Variants in KATNAL2 observed in about 807,000 individuals in gnomAD.
KATNAL2 encodes the protein katanin p60 ATPase-containing subunit A-like 2.
Under a neutral mutation model 76.3 loss-of-function variants are expected in KATNAL2, and 52 were observed. That is an observed-to-expected ratio of 0.68 (90% CI 0.55 to 0.86). The LOEUF (loss-of-function observed/expected upper bound fraction) is 0.86, where lower values mean the gene tolerates loss of function less well. Ranked by LOEUF, KATNAL2 falls within the 40% of genes least tolerant of loss-of-function variation. The probability of loss-of-function intolerance (pLI) is 0.00; values close to 1 mark genes in which losing one functional copy is unlikely to be tolerated. For missense variants in KATNAL2, 660 were observed against 668.9 expected (o/e 0.99, Z 0.15); for synonymous variants, 243 against 244.2 (o/e 1.00, Z 0.05).
intron 3 of KATNAL2, among the ~76,000 whole-genome samples, chr18:47,038,722 G>C (rs1160998701): frequency 6.6e-6 from 1 of 152,140 alleles, no homozygotes; most frequent in African/African-American, 2.4e-5. Flanking sequence ...AAAAATTTGA[G>C]AGTCTTATTG....
intron 3 of KATNAL2, among the ~76,000 whole-genome samples, chr18:47,031,562 G>T (rs1376992917): frequency 6.6e-6 from 1 of 152,098 alleles, no homozygotes; most frequent in South Asian, 2.1e-4. Context: ...TAGAAAAATA[G>T]GTAAATTTGC....
At chr18:46,951,630 T>C (rs1049890095) in intron 3 of KATNAL2, among the ~76,000 whole-genome samples, 39 of 152,046 alleles carry the variant, frequency 2.6e-4, no homozygotes, top group African/African-American at 9.2e-4. Flanking sequence ...CCAATAACTA[T>C]CTGAGAAAAG....
chr18:46,951,086 C>T (rs930510097), intron 3 of KATNAL2, among the ~76,000 whole-genome samples: 1 of 152,152 alleles, frequency 6.6e-6, no homozygotes, highest in African/African-American at 2.4e-5. Flanking sequence ...TGTCCCTGGC[C>T]TCCTCCCACC....
intron 1 of KATNAL2, among the ~76,000 whole-genome samples, chr18:46,922,345 C>T (rs1467988964): frequency 6.6e-6 from 1 of 152,044 alleles, no homozygotes; most frequent in Non-Finnish European, 1.5e-5. Flanking sequence ...GATCCTCCCA[C>T]CTTGGCCTCC....
chr18:47,035,125 G>A (rs781736406), intron 3 of KATNAL2: 1 of 1,611,520 alleles, frequency 6.2e-7, no homozygotes, highest in Non-Finnish European at 8.5e-7. Context: ...TCTGATTCCA[G>A]TCTCCGCCAG....
At position 46,928,995 on chromosome 18, in the gene KATNAL2, C is replaced by T. The variant is rs545486579; in HGVS notation, c.-510+11069C>T. Among the ~76,000 whole-genome samples the T allele has an allele frequency of 8.8e-4, 134 of 152,164 alleles. 1 individual carries two copies. The highest frequency in any genetic ancestry group is 1.7e-3 in the Non-Finnish European group (115 of 68,016). On this transcript the variant is annotated intron_variant, in intron 1 of 17. Coordinates refer to ENST00000683218, the MANE Select transcript of KATNAL2 (RefSeq NM_001387690.1). The stretch of plus-strand genomic sequence containing the variant: ...TGTACTTTTAGTAGAGACGGGTTTT[C>T]ACCATTTGGGCAGGCTGGTCTCGAA...
intron 15 of KATNAL2, among the ~76,000 whole-genome samples, chr18:47,095,101 A>G (rs957998787): frequency 3.9e-5 from 6 of 152,032 alleles, no homozygotes; most frequent in Non-Finnish European, 7.4e-5. Context: ...ACTCATTATT[A>G]TGCTTCCCAG....
At chr18:46,959,683 C>G (rs915133434) in intron 3 of KATNAL2, among the ~76,000 whole-genome samples, 1 of 152,202 alleles carries the variant, frequency 6.6e-6, no homozygotes, top group African/African-American at 2.4e-5. Flanking sequence ...AAGTTTTTCT[C>G]CTGTCTCAGC....
chr18:47,070,586 G>A (rs2061964862), intron 13 of KATNAL2, among the ~76,000 whole-genome samples: 7 of 152,080 alleles, frequency 4.6e-5, no homozygotes, highest in Admixed American at 4.6e-4. Context: ...CTGTAGAATG[G>A]CAGATATGTA....
At chr18:47,090,408 G>A (rs547004469) in intron 15 of KATNAL2, among the ~76,000 whole-genome samples, 2 of 152,198 alleles carry the variant, frequency 1.3e-5, no homozygotes, top group South Asian at 4.1e-4. Flanking sequence ...CGCCCAGCCC[G>A]AAATAGTATT....
At chr18:47,082,214 G>A (rs554519631) in intron 15 of KATNAL2, among the ~76,000 whole-genome samples, 1 of 152,308 alleles carries the variant, frequency 6.6e-6, no homozygotes, top group South Asian at 2.1e-4. Context: ...CAGAGCTACT[G>A]ACATTTTCAG....
chr18:47,052,833 C>T, intron 4 of KATNAL2, 47 bp from the exon 5 acceptor site: 1 of 1,441,386 alleles, frequency 6.9e-7, no homozygotes, highest in East Asian at 2.4e-5. Flanking sequence ...AGCCATTATT[C>T]TTTTCACCTC....
At chr18:47,036,046 G>T (rs984476790) in intron 3 of KATNAL2, among the ~76,000 whole-genome samples, 1 of 152,068 alleles carries the variant, frequency 6.6e-6, no homozygotes, top group South Asian at 2.1e-4. Flanking sequence ...TCTTGACCCC[G>T]CCTTGTCCCT....
intron 1 of KATNAL2, among the ~76,000 whole-genome samples, chr18:46,925,094 C>T (rs956519427): frequency 1.3e-5 from 2 of 152,206 alleles, no homozygotes; most frequent in African/African-American, 4.8e-5. Flanking sequence ...TGCCTGATTG[C>T]CCTGGCCAGA....
rs56018747 is a variant in KATNAL2 at position 47,066,847 on chromosome 18, TTATATATATATATATATATATA to T, written c.727-149_727-128del. On this transcript the variant is annotated intron_variant, in intron 10 of 17. Coordinates refer to ENST00000683218, the MANE Select transcript of KATNAL2 (RefSeq NM_001387690.1). ...CCAAAATTACAATGTATATATGTGT[TTATATATATATATATATATATA>T]TATATATATATATATATATATATAA... Among the ~76,000 whole-genome samples, 12 of 29,596 alleles carry T rather than the reference TTATATATATATATATATATATA, an allele frequency of 4.1e-4. No homozygotes were observed. In the South Asian group the frequency reaches 6.7e-3, roughly 17 times the overall value. 19.4% of individuals were successfully genotyped at this position (29,596 alleles called of 152,430 possible).
chr18:47,068,469 A>G lies in KATNAL2; in HGVS notation c.826-751A>G, dbSNP rs112770030. Among the ~76,000 whole-genome samples, 886 of 152,330 alleles carry G rather than the reference A, an allele frequency of 5.8e-3. 12 individuals carry two copies. The highest frequency in any genetic ancestry group is 0.021 in the African/African-American group (859 of 41,560). ...CCTTTTCCTCTAAATGGAACTATAA[A>G]ACTTTTAAAAAGGATAGAACATCTC... On this transcript the variant is annotated intron_variant, in intron 11 of 17. Coordinates refer to ENST00000683218, the MANE Select transcript of KATNAL2 (RefSeq NM_001387690.1).
chr18:46,961,277 T>A (rs1394159444), intron 3 of KATNAL2, among the ~76,000 whole-genome samples: 1 of 55,126 alleles, frequency 1.8e-5, no homozygotes, highest in Non-Finnish European at 3.4e-5. Context: ...CTAGGCAAGG[T>A]GGCAGGGGCG....
chr18:46,945,166 G>C (rs2059351718), intron 1 of KATNAL2, among the ~76,000 whole-genome samples: 2 of 152,168 alleles, frequency 1.3e-5, no homozygotes, highest in Admixed American at 6.5e-5. Flanking sequence ...CCTCATTAAT[G>C]AGTTAGGCAA....
intron 15 of KATNAL2, chr18:47,098,124 G>A (rs2063326866): frequency 5.8e-6 from 1 of 171,172 alleles, no homozygotes; most frequent in African/African-American, 2.4e-5. Flanking sequence ...GTTGAATCAA[G>A]ATGGTATGTA....
Sources: gnomAD v4.1 joint callset for allele counts (sites outside exome capture counted in the v4.1 genomes callset) on GRCh38, gnomAD v4.1.1 for gene constraint, MANE v1.5 for transcripts, NCBI Gene and HGNC (gene_info 2026-07-23, HGNC 2026-07-21) for gene names.